ST6GAL1: variants seen among roughly 807,000 people sequenced by gnomAD.
ST6GAL1 encodes ST6 beta-galactoside alpha-2,6-sialyltransferase 1.
Under a neutral mutation model 38.0 loss-of-function variants are expected in ST6GAL1, and 20 were observed. The observed-to-expected ratio is 0.53, with a 90% CI of 0.37 to 0.77. The LOEUF (loss-of-function observed/expected upper bound fraction) is 0.77, where lower values mean the gene tolerates loss of function less well. ST6GAL1 is among the 30% of genes least tolerant of loss of function. The pLI is 0.00. For synonymous variants in ST6GAL1, 196 were observed against 188.2 expected (o/e 1.04, Z -0.34); for missense variants, 432 against 496.4 (o/e 0.87, Z 1.23).
intron 2 of ST6GAL1, chr3:186,964,314 T>G (rs2108527498): frequency 6.6e-6 from 1 of 152,286 alleles, no homozygotes; most frequent in East Asian, 1.9e-4. Context: ...TGCCACGCTC[T>G]CTCTCTTTCA....
chr3:187,061,146 A>G (rs927805575), intron 5 of ST6GAL1, among the ~76,000 whole-genome samples: 1 of 152,196 alleles, frequency 6.6e-6, no homozygotes, highest in South Asian at 2.1e-4. Flanking sequence ...AAAAGCATAA[A>G]ATACTTAGGA....
intron 2 of ST6GAL1, among the ~76,000 whole-genome samples, chr3:187,011,021 C>T (rs1289363382): frequency 6.6e-6 from 1 of 152,184 alleles, no homozygotes; most frequent in Non-Finnish European, 1.5e-5. Context: ...AATAAACAGA[C>T]TCTTAATTCG....
chr3:186,943,743 C>A (rs906151356), intron 1 of ST6GAL1, among the ~76,000 whole-genome samples: 3 of 152,212 alleles, frequency 2.0e-5, no homozygotes, highest in African/African-American at 7.2e-5. Context: ...CCACCATGCC[C>A]GGCCTATTAT....
chr3:187,022,572 T>C (rs2108566228), intron 2 of ST6GAL1, among the ~76,000 whole-genome samples: 1 of 152,176 alleles, frequency 6.6e-6, no homozygotes, highest in African/African-American at 2.4e-5. Context: ...ATAGTGATTG[T>C]CTCTTCTCAG....
At chr3:187,031,803 A>G (rs1042891867) in intron 2 of ST6GAL1, among the ~76,000 whole-genome samples, 3 of 152,144 alleles carry the variant, frequency 2.0e-5, no homozygotes, top group African/African-American at 7.2e-5. Flanking sequence ...TACTATTTCT[A>G]TTTTATAGAT....
In ST6GAL1 at chr3:187,003,173, C is replaced by CCAAAA. The variant is rs539929038; in HGVS notation, c.-182-35565_-182-35564insACAAA. On this transcript the variant is annotated intron_variant, in intron 2 of 7. Transcript: ENST00000169298. ...AGGCAGGGGGAAAAAAACCCCAAAA[C>CCAAAA]CAAACCAAACCAAAACAACAACAGC... 2.8e-3 allele frequency among the ~76,000 whole-genome samples: 423 copies of CCAAAA among 152,158 alleles called. 4 individuals are homozygous for CCAAAA. Among genetic ancestry groups the CCAAAA allele is most frequent in the African/African-American group, 9.6e-3 (399 of 41,522 alleles).
At chr3:187,064,939 C>G (rs1227936673) in intron 5 of ST6GAL1, among the ~76,000 whole-genome samples, 1 of 152,058 alleles carries the variant, frequency 6.6e-6, no homozygotes, top group Non-Finnish European at 1.5e-5. Flanking sequence ...TGGTAGAATT[C>G]TGCCTCTGAG....
At chr3:186,937,408 G>T (rs1224891848) in intron 1 of ST6GAL1, among the ~76,000 whole-genome samples, 3 of 152,180 alleles carry the variant, frequency 2.0e-5, no homozygotes, top group South Asian at 2.1e-4. Flanking sequence ...GTACAGTGGG[G>T]AGAGAAGAGG....
chr3:186,991,502 A>G (rs1716167260), intron 2 of ST6GAL1, among the ~76,000 whole-genome samples: 1 of 151,950 alleles, frequency 6.6e-6, no homozygotes, highest in African/African-American at 2.4e-5. Flanking sequence ...TATTTGATAC[A>G]CTTTTTATGT....
At chr3:186,999,057 C>T (rs1433267890) in intron 2 of ST6GAL1, among the ~76,000 whole-genome samples, 6 of 152,210 alleles carry the variant, frequency 3.9e-5, no homozygotes, top group African/African-American at 2.4e-5. Context: ...GAAGGGGGCC[C>T]GGGGGCAATG....
chr3:186,947,436 A>G (rs578015974), intron 1 of ST6GAL1, among the ~76,000 whole-genome samples: 1 of 152,316 alleles, frequency 6.6e-6, no homozygotes, highest in East Asian at 1.9e-4. Context: ...CTATTGTGCT[A>G]TGATTTGTGG....
chr3:186,932,144 G>T (rs1189395069), intron 1 of ST6GAL1, among the ~76,000 whole-genome samples: 1 of 24,052 alleles, frequency 4.2e-5, no homozygotes, highest in Non-Finnish European at 1.1e-4. Flanking sequence ...CCTGTCCCCG[G>T]GGGGGGAACT....
chr3:187,071,052 C>T (rs1395122717), intron 5 of ST6GAL1, among the ~76,000 whole-genome samples: 1 of 152,166 alleles, frequency 6.6e-6, no homozygotes, highest in Non-Finnish European at 1.5e-5. Flanking sequence ...AGATTGCTTG[C>T]TATTCTTTGG....
At chr3:186,943,688 T>G (rs1560136396) in intron 1 of ST6GAL1, among the ~76,000 whole-genome samples, 1 of 152,164 alleles carries the variant, frequency 6.6e-6, no homozygotes, top group African/African-American at 2.4e-5. Context: ...GACCTCGTGA[T>G]CCGCCCGCCT....
chr3:186,998,647 G>C (rs1400333604), intron 2 of ST6GAL1, among the ~76,000 whole-genome samples: 6 of 152,110 alleles, frequency 3.9e-5, no homozygotes, highest in Admixed American at 1.3e-4. Context: ...GAACTGTGCT[G>C]TTTAAGGATC....
In ST6GAL1 at chr3:186,962,664, G is replaced by A. The variant is rs575836095; in HGVS notation, c.-324-1121G>A. ...TTTGGAAGCTCTTTGACCCAGCACAGTTTTATTCCTAAGACTGTGTCCAAA... is the reference window on the plus strand; with the variant it reads ...TTTGGAAGCTCTTTGACCCAGCACAATTTTATTCCTAAGACTGTGTCCAAA... On this transcript the variant is annotated intron_variant, in intron 1 of 7. Coordinates refer to ENST00000169298, the MANE Select transcript of ST6GAL1 (RefSeq NM_173216.2). Among the ~76,000 whole-genome samples, 94 of 152,292 alleles carry A rather than the reference G, an allele frequency of 6.2e-4. 1 individual carries two copies. In the South Asian group the frequency reaches 0.019, roughly 31 times the overall value.
At chr3:186,935,101 C>T (rs1713898998) in intron 1 of ST6GAL1, among the ~76,000 whole-genome samples, 1 of 152,078 alleles carries the variant, frequency 6.6e-6, no homozygotes, top group South Asian at 2.1e-4. Flanking sequence ...TATTTAGTCA[C>T]TCAGGTACTA....
At chr3:187,050,782 A>G (rs1007127881) in intron 4 of ST6GAL1, among the ~76,000 whole-genome samples, 8 of 152,160 alleles carry the variant, frequency 5.3e-5, no homozygotes, top group Non-Finnish European at 1.0e-4. Context: ...TGAGCACTGC[A>G]TGCTTTTCAA....
At chr3:187,071,570 A>G (rs1450367711) in intron 5 of ST6GAL1, among the ~76,000 whole-genome samples, 1 of 151,872 alleles carries the variant, frequency 6.6e-6, no homozygotes, top group Non-Finnish European at 1.5e-5. Flanking sequence ...TAACAAGGTG[A>G]AACCCCGTCT....
Sources: allele counts gnomAD v4.1 joint callset (sites outside exome capture counted in the v4.1 genomes callset), GRCh38; gene constraint gnomAD v4.1.1; transcripts MANE v1.5; gene names NCBI Gene and HGNC (gene_info 2026-07-23, HGNC 2026-07-21).